The following FBXO42 variants were observed in gnomAD, a reference collection of about 807,000 sequenced individuals.
The protein encoded by FBXO42 is F-box protein 42, also known as F-box only protein 42.
In FBXO42, 12 loss-of-function variants were observed where a neutral mutation model predicts 71.7. The observed-to-expected ratio is 0.17, with a 90% confidence interval of 0.11 to 0.27. The LOEUF is 0.27. Among genes scored for constraint, FBXO42 ranks in the 10% least tolerant of loss-of-function variants. The pLI is 1.00. For missense variants in FBXO42, 707 were observed against 911.9 expected, an observed-to-expected ratio of 0.78 and a Z score of 2.89; for synonymous variants, 325 against 327.5, an observed-to-expected ratio of 0.99 and a Z score of 0.08.
chr1:16,326,404 C>G (rs975773048), intron 1 of FBXO42, among the ~76,000 whole-genome samples: 1 of 151,320 alleles, frequency 6.6e-6, no homozygotes, highest in African/African-American at 2.4e-5. Context: ...CTTCTTGAGG[C>G]CAGGTGCAGT....
chr1:16,348,534 T>TAA (rs541393027), intron 1 of FBXO42, among the ~76,000 whole-genome samples: 25 of 150,846 alleles, frequency 1.7e-4, no homozygotes, highest in Admixed American at 1.3e-3. Context: ...CCACCTCTAC[T>TAA]AAAAAAAAAC....
In FBXO42 at chr1:16,251,493, A is replaced by G; in HGVS notation, c.1331T>C (p.Leu444Ser). 6.2e-7 allele frequency: 1 copy of G among 1,614,166 alleles called. No homozygotes were observed. The highest frequency in any genetic ancestry group is 8.5e-7 in the Non-Finnish European group (1 of 1,180,020). ...ACCCACAGCTGCCGTTCCTGGAGACAAACTCCCACCATTGAGGATAGGAGA... is the reference window on the plus strand; with the variant it reads ...ACCCACAGCTGCCGTTCCTGGAGACGAACTCCCACCATTGAGGATAGGAGA... ...DGSPILNGGSLSPGTAAVGGS... is the reference protein window; with the variant it reads ...DGSPILNGGSSSPGTAAVGGS... Residue 444 changes from leucine to serine, a missense_variant, in exon 10 of 10, where the codon TTG becomes TCG. By Grantham distance (145) the Leu-to-Ser change is moderately radical. Coordinates refer to ENST00000375592, the MANE Select transcript of FBXO42 (RefSeq NM_018994.3). The surrounding 1 kb of genome is among the most constrained non-coding windows in gnomAD (Gnocchi z 4.5).
intron 1 of FBXO42, among the ~76,000 whole-genome samples, chr1:16,338,504 A>T (rs927873172): frequency 2.6e-5 from 4 of 152,002 alleles, no homozygotes; most frequent in Admixed American, 6.6e-5. Flanking sequence ...TGTCATCCAC[A>T]CTTGAACCAA....
intron 4 of FBXO42, among the ~76,000 whole-genome samples, chr1:16,274,395 T>A (rs542390671): frequency 4.6e-5 from 7 of 151,758 alleles, no homozygotes; most frequent in African/African-American, 1.7e-4. Flanking sequence ...CTGACCTCTA[T>A]GGGGGTTGTA....
intron 1 of FBXO42, among the ~76,000 whole-genome samples, chr1:16,316,184 A>AG (rs1553154099): frequency 5.9e-5 from 9 of 151,282 alleles, no homozygotes; most frequent in East Asian, 1.9e-4. Context: ...AAAAAAAAAA[A>AG]AAAGAAAGAA....
chr1:16,326,754 A>G (rs1362573564), intron 1 of FBXO42, among the ~76,000 whole-genome samples: 3 of 151,972 alleles, frequency 2.0e-5, no homozygotes, highest in Non-Finnish European at 2.9e-5. Flanking sequence ...TCTAGGATTT[A>G]TAAGTCATCT....
chr1:16,323,288 G>A (rs2082423003), intron 1 of FBXO42, among the ~76,000 whole-genome samples: 1 of 150,270 alleles, frequency 6.7e-6, no homozygotes, highest in African/African-American at 2.4e-5. Flanking sequence ...CGTGGTGGTG[G>A]GCACCTGTAA....
chr1:16,342,396 CAAAAA>C (rs34993864), intron 1 of FBXO42, among the ~76,000 whole-genome samples: 1 of 77,814 alleles, frequency 1.3e-5, no homozygotes, highest in Admixed American at 1.5e-4. Context: ...AACTCTGTCT[CAAAAA>C]AAAAAAAAAA....
rs2081598920 is a variant in FBXO42 at position 16,252,152 on chromosome 1, T to C, written c.1038+136A>G. 4.2e-6 allele frequency: 3 copies of C among 714,718 alleles called. No homozygotes were observed. Among genetic ancestry groups the C allele is most frequent in the South Asian group, 1.8e-5 (1 of 55,776 alleles). The allele number at this position is 714,718 out of a possible 1,614,324, so 44.3% of individuals were successfully genotyped here. On this transcript the variant is annotated intron_variant, in intron 9 of 9. Transcript: ENST00000375592. The surrounding 1 kb of genome is among the most constrained non-coding windows in gnomAD (Gnocchi z 4.4). The stretch of plus-strand genomic sequence containing the variant: ...TTAGTGAGAAATGCCAAAGGAGCTA[T>C]GGCTAATGTTCACCTCTTTTGTGAC...
intron 3 of FBXO42, among the ~76,000 whole-genome samples, chr1:16,295,326 T>C (rs1185385030): frequency 6.6e-6 from 1 of 152,232 alleles, no homozygotes; most frequent in Non-Finnish European, 1.5e-5. Flanking sequence ...TTTCCTCCAA[T>C]TCTCCTATTG....
intron 3 of FBXO42, among the ~76,000 whole-genome samples, chr1:16,300,330 C>T (rs1416791058): frequency 6.6e-6 from 1 of 152,140 alleles, no homozygotes; most frequent in East Asian, 1.9e-4. Flanking sequence ...TATTAAAATA[C>T]AAGTCAAATA....
intron 1 of FBXO42, among the ~76,000 whole-genome samples, chr1:16,334,219 G>A (rs538288698): frequency 2.4e-4 from 37 of 152,106 alleles, no homozygotes; most frequent in Middle Eastern, 3.4e-3. Context: ...AGATCATGAG[G>A]TCAGGAGATC....
chr1:16,273,790 G>A (rs907094976), intron 4 of FBXO42, among the ~76,000 whole-genome samples: 1 of 151,958 alleles, frequency 6.6e-6, no homozygotes, highest in Non-Finnish European at 1.5e-5. Flanking sequence ...GAGGTGGGAG[G>A]ATCACTTGAG....
At chr1:16,281,996 G>A (rs1015470827) in intron 4 of FBXO42, among the ~76,000 whole-genome samples, 1 of 151,804 alleles carries the variant, frequency 6.6e-6, no homozygotes, top group Non-Finnish European at 1.5e-5. Context: ...CACCATGCCT[G>A]GCCAAAGGTA....
intron 1 of FBXO42, among the ~76,000 whole-genome samples, chr1:16,335,579 G>A (rs1433436858): frequency 6.6e-6 from 1 of 151,896 alleles, no homozygotes; most frequent in East Asian, 1.9e-4. Flanking sequence ...AAAAACTTTT[G>A]ACTGGGCCAG....
At chr1:16,345,203 C>G (rs1217234019) in intron 1 of FBXO42, among the ~76,000 whole-genome samples, 1 of 149,606 alleles carries the variant, frequency 6.7e-6, no homozygotes, top group Non-Finnish European at 1.5e-5. Context: ...GCAGGCGGAT[C>G]ACGAGGCCAG....
chr1:16,270,843 G>GC (rs1181020693), intron 4 of FBXO42, among the ~76,000 whole-genome samples: 5 of 150,082 alleles, frequency 3.3e-5, no homozygotes, highest in Non-Finnish European at 7.4e-5. Flanking sequence ...ACTAGAGTCA[G>GC]CAGTGACTAA....
intron 4 of FBXO42, among the ~76,000 whole-genome samples, chr1:16,270,467 G>C (rs2081827409): frequency 6.6e-6 from 1 of 151,966 alleles, no homozygotes; most frequent in Non-Finnish European, 1.5e-5. Flanking sequence ...ATTCCCAAGG[G>C]AAGATTGGGG....
chr1:16,261,745 T>C (rs9782941), intron 4 of FBXO42, among the ~76,000 whole-genome samples: 53,657 of 151,622 alleles, frequency 0.35, 10,010 homozygotes, highest in African/African-American at 0.42. Context: ...ACTCTGTCGC[T>C]CAGGCTGGAG....
Sources: gnomAD v4.1 joint callset for allele counts (sites outside exome capture counted in the v4.1 genomes callset) on GRCh38, gnomAD v4.1.1 for gene constraint, Gnocchi (gnomAD v3.1) non-coding constraint, MANE v1.5 for transcripts, NCBI Gene and HGNC (gene_info 2026-07-23, HGNC 2026-07-21) for gene names.